Variants in TTC7A observed in about 807,000 individuals in gnomAD.
TTC7A encodes tetratricopeptide repeat protein 7A.
Under a neutral mutation model 103.7 loss-of-function variants are expected in TTC7A, and 110 were observed. The observed-to-expected ratio is 1.06, with a 90% confidence interval of 0.91 to 1.24. The LOEUF (loss-of-function observed/expected upper bound fraction) is 1.24, where lower values mean the gene tolerates loss of function less well. Among genes scored for constraint, TTC7A ranks in the 50% most tolerant of loss-of-function variants. The pLI is 0.00. For synonymous variants in TTC7A, 521 were observed against 467.9 expected (o/e 1.11, Z -1.47); for missense variants, 1,340 against 1,116.3 (o/e 1.20, Z -2.86).
At chr2:47,011,532 C>T (rs761198708) in intron 11 of TTC7A, 97 bp downstream of exon 11, 10 of 959,204 alleles carry the variant, frequency 1.0e-5, no homozygotes, top group East Asian at 8.3e-5. Context: ...GGGTGCATGC[C>T]GAAGGTGGAA....
intron 15 of TTC7A, among the ~76,000 whole-genome samples, chr2:47,037,141 G>A (rs981161992): frequency 2.6e-5 from 4 of 152,138 alleles, no homozygotes; most frequent in South Asian, 2.1e-4. Flanking sequence ...CTTTGTCCCC[G>A]GAGCCCCTGT....
upstream of TTC7A, among the ~76,000 whole-genome samples, chr2:46,937,829 G>A (rs10202814): frequency 0.18 from 27,445 of 152,142 alleles, 2,572 homozygotes; most frequent in Non-Finnish European, 0.2. The surrounding 1 kb of genome is among the most constrained non-coding windows in gnomAD (Gnocchi z 4.0). Context: ...GGAGGCTATC[G>A]GCAGTCTTCC....
intron 5 of TTC7A, among the ~76,000 whole-genome samples, chr2:46,983,940 G>A (rs975720881): frequency 1.3e-5 from 2 of 152,108 alleles, no homozygotes; most frequent in Non-Finnish European, 2.9e-5. Flanking sequence ...CGTGGGGAGG[G>A]GACAGTTCTA....
intron 12 of TTC7A, among the ~76,000 whole-genome samples, chr2:47,022,693 A>T (rs13405102): frequency 6.6e-6 from 1 of 151,940 alleles, no homozygotes; most frequent in South Asian, 2.1e-4. Flanking sequence ...TCACGGTGAC[A>T]TCGGGTATAA....
At chr2:46,935,113 C>G (rs1669910114) in intron 2 of TTC7A, among the ~76,000 whole-genome samples, 1 of 152,036 alleles carries the variant, frequency 6.6e-6, no homozygotes, top group African/African-American at 2.4e-5. Context: ...GACTACTGGT[C>G]TTTAAGGCCT....
chr2:46,968,624 G>T (rs540101276), intron 3 of TTC7A, among the ~76,000 whole-genome samples: 1 of 152,258 alleles, frequency 6.6e-6, no homozygotes, highest in Non-Finnish European at 1.5e-5. Context: ...AAACTTTTTG[G>T]CCCTGTGTAT....
chr2:47,019,744 C>T (rs529584489), intron 11 of TTC7A, among the ~76,000 whole-genome samples: 60 of 152,122 alleles, frequency 3.9e-4, no homozygotes, highest in African/African-American at 1.4e-3. Flanking sequence ...ATTTGCTGAG[C>T]AGAAGGACAT....
At chr2:47,029,440 G>T (rs1181555365) in intron 15 of TTC7A, 56 bp downstream of exon 15, 2 of 1,595,558 alleles carry the variant, frequency 1.3e-6, no homozygotes, top group Non-Finnish European at 1.7e-6. Flanking sequence ...TCTGCAGCAG[G>T]CGCCCATGCA....
chr2:47,053,310 T>C (rs1334785261), intron 18 of TTC7A, among the ~76,000 whole-genome samples: 1 of 152,160 alleles, frequency 6.6e-6, no homozygotes, highest in Non-Finnish European at 1.5e-5. Context: ...AAGATTCTAA[T>C]GACTTCTAAG....
intron 11 of TTC7A, among the ~76,000 whole-genome samples, chr2:47,019,556 T>C (rs1444352190): frequency 2.0e-5 from 3 of 151,674 alleles, no homozygotes; most frequent in Non-Finnish European, 4.4e-5. Context: ...GGGGTCAGAG[T>C]GGATCACAAG....
chr2:46,999,755 A>T, intron 8 of TTC7A: 1 of 985,442 alleles, frequency 1.0e-6, no homozygotes, highest in Non-Finnish European at 1.2e-6. Flanking sequence ...TTATTTCTGA[A>T]ATACTGATCT....
At chr2:47,033,681 CCT>C (rs1381052483) in intron 15 of TTC7A, among the ~76,000 whole-genome samples, 7 of 152,230 alleles carry the variant, frequency 4.6e-5, no homozygotes, top group Admixed American at 4.6e-4. Context: ...CTCTCTCTCC[CCT>C]GGCTTGGGAG....
rs141775811 is a variant in TTC7A at position 47,054,477 on chromosome 2, T to A, written c.2152+2597T>A. Among the ~76,000 whole-genome samples, 5 of 152,248 alleles carry A rather than the reference T, an allele frequency of 3.3e-5. No individual in the cohort carries two copies. In the East Asian group the frequency reaches 9.6e-4, roughly 29 times the overall value. On this transcript the variant is annotated intron_variant, in intron 18 of 19. Coordinates refer to ENST00000319190, the MANE Select transcript of TTC7A (RefSeq NM_020458.4). Reference sequence around the variant, plus strand: ...GATCCATTGGCCAGAACTTAGTTATTTGACTGCCCCTAACTGCCGAGGGCT... The same window carrying A: ...GATCCATTGGCCAGAACTTAGTTATATGACTGCCCCTAACTGCCGAGGGCT...
intron 18 of TTC7A, among the ~76,000 whole-genome samples, chr2:47,053,821 G>A (rs1162829175): frequency 6.6e-6 from 1 of 152,120 alleles, no homozygotes; most frequent in East Asian, 1.9e-4. Context: ...TGATCTGCCC[G>A]CCGTGGCCCA....
intron 16 of TTC7A, among the ~76,000 whole-genome samples, chr2:47,049,034 C>T (rs563206278): frequency 3.2e-4 from 49 of 152,266 alleles, no homozygotes; most frequent in African/African-American, 1.1e-3. Context: ...ATTCCCAGAC[C>T]CGAGTTGAAG....
chr2:46,956,883 T>TTACG lies in TTC7A; in HGVS notation c.395_398dup (p.Glu134ArgfsTer18). On this transcript the variant is annotated frameshift_variant, in exon 3 of 20. Transcript: ENST00000319190. LOFTEE classifies it high-confidence loss of function. The stretch of plus-strand genomic sequence containing the variant: ...CCATGCTGATCCTGGGCAAACTGCA[T>TTACG]TACGTGGAGGGCTCATACCGAGATG... 6.2e-7 allele frequency: 1 copy of TTACG among 1,614,216 alleles called. No individual in the cohort carries two copies. Among genetic ancestry groups the TTACG allele is most frequent in the East Asian group, 2.2e-5 (1 of 44,884 alleles).
At chr2:47,022,468 G>A (rs1042693219) in intron 12 of TTC7A, among the ~76,000 whole-genome samples, 5 of 152,152 alleles carry the variant, frequency 3.3e-5, no homozygotes, top group East Asian at 3.9e-4. Flanking sequence ...ACTTGTGCTC[G>A]GCTAATGGAT....
intron 2 of TTC7A, among the ~76,000 whole-genome samples, chr2:46,954,719 C>A (rs1671698324): frequency 6.6e-6 from 1 of 152,000 alleles, no homozygotes; most frequent in African/African-American, 2.4e-5. Context: ...TTACAGGCGC[C>A]CACCACCACG....
At chr2:47,050,919 T>C (rs940434579) in intron 17 of TTC7A, 2 of 152,250 alleles carry the variant, frequency 1.3e-5, no homozygotes, top group South Asian at 2.1e-4. Flanking sequence ...CTCCTGAGTT[T>C]ATTGGAGCCT....
Sources: gnomAD v4.1 joint callset for allele counts (sites outside exome capture counted in the v4.1 genomes callset) on GRCh38, gnomAD v4.1.1 for gene constraint, Gnocchi (gnomAD v3.1) non-coding constraint, MANE v1.5 for transcripts, NCBI Gene and HGNC (gene_info 2026-07-23, HGNC 2026-07-21) for gene names.